Variants in COBL observed in about 807,000 individuals in gnomAD.
The protein encoded by COBL is protein cordon-bleu.
In COBL, 51 loss-of-function variants were observed where a neutral mutation model predicts 98.8. The observed-to-expected ratio is 0.52, with a 90% CI of 0.41 to 0.65. The LOEUF is 0.65. Ranked by LOEUF, COBL falls within the 30% of genes least tolerant of loss-of-function variation. The probability of loss-of-function intolerance (pLI) is 0.00; values close to 1 mark genes in which losing one functional copy is unlikely to be tolerated. For missense variants in COBL, 1,617 were observed against 1,617.5 expected (o/e 1.00, Z 0.01); for synonymous variants, 634 against 651.7 (o/e 0.97, Z 0.41).
intron 1 of COBL, among the ~76,000 whole-genome samples, chr7:51,302,231 G>A (rs557188288): frequency 6.6e-6 from 1 of 152,318 alleles, no homozygotes; most frequent in Admixed American, 6.5e-5. Flanking sequence ...GTTAAGTTTT[G>A]TAAGAAATTC....
At chr7:51,308,819 A>G (rs1157312081) in intron 1 of COBL, among the ~76,000 whole-genome samples, 1 of 152,210 alleles carries the variant, frequency 6.6e-6, no homozygotes, top group Non-Finnish European at 1.5e-5. Flanking sequence ...GAACAGAGAC[A>G]TCATAAAAAG....
intron 6 of COBL, among the ~76,000 whole-genome samples, chr7:51,118,716 T>C (rs1451566852): frequency 6.6e-6 from 1 of 152,168 alleles, no homozygotes; most frequent in African/African-American, 2.4e-5. Flanking sequence ...CCTTGGAGGT[T>C]CAATAACTTC....
intron 6 of COBL, among the ~76,000 whole-genome samples, chr7:51,134,851 C>T (rs1799080441): frequency 6.6e-6 from 1 of 152,122 alleles, no homozygotes; most frequent in African/African-American, 2.4e-5. Flanking sequence ...ATGCATACAA[C>T]AAAAAGGTAC....
At chr7:51,091,070 TC>T (rs1158027496) in intron 6 of COBL, among the ~76,000 whole-genome samples, 1 of 152,150 alleles carries the variant, frequency 6.6e-6, no homozygotes. Context: ...AAGAAGCCAG[TC>T]CGTAAAGGCT....
intron 5 of COBL, among the ~76,000 whole-genome samples, chr7:51,154,898 C>T (rs745762915): frequency 5.3e-5 from 8 of 152,178 alleles, no homozygotes; most frequent in Non-Finnish European, 7.3e-5. Context: ...TAACAAACTG[C>T]GCCAGAGATC....
rs368011387 is a variant in COBL, at chr7:51,191,096, C to A, written c.457-18G>T. On this transcript the variant is annotated intron_variant, in intron 3 of 12. Transcript: ENST00000265136. ...ACAGATTTCTGGAAGAACACACAGG[C>A]AAAAAGAATTCAGTAAGATATCCTC... The A allele has an allele frequency of 3.9e-5, 62 of 1,606,528 alleles. No homozygotes were observed. The highest frequency in any genetic ancestry group is 4.9e-5 in the Non-Finnish European group (58 of 1,175,540).
At chr7:51,199,005 C>T (rs1790859847) in intron 2 of COBL, among the ~76,000 whole-genome samples, 1 of 152,188 alleles carries the variant, frequency 6.6e-6, no homozygotes, top group African/African-American at 2.4e-5. Flanking sequence ...CTCCTATGAA[C>T]TCAGCTCCAA....
chr7:51,298,193 G>A (rs1420879387), intron 1 of COBL, among the ~76,000 whole-genome samples: 2 of 152,206 alleles, frequency 1.3e-5, no homozygotes, highest in Non-Finnish European at 2.9e-5. Context: ...GAGGCATCCT[G>A]ACAAAAGTTG....
intron 6 of COBL, among the ~76,000 whole-genome samples, chr7:51,106,230 C>A (rs1394960010): frequency 1.3e-5 from 2 of 151,558 alleles, no homozygotes. Flanking sequence ...AATACATCCA[C>A]CCCAGTCATC....
intron 1 of COBL, among the ~76,000 whole-genome samples, chr7:51,244,355 T>C (rs898487275): frequency 3.3e-5 from 5 of 152,206 alleles, no homozygotes; most frequent in Admixed American, 6.5e-5. Flanking sequence ...CACCAAGGCA[T>C]AAACAGAAAC....
chr7:51,035,636 T>G (rs1187011052), intron 8 of COBL: 1 of 152,230 alleles, frequency 6.6e-6, no homozygotes, highest in East Asian at 1.9e-4. Flanking sequence ...AATATTTTTA[T>G]AATAACATTG....
At chr7:51,277,862 C>T (rs1211873999) in intron 1 of COBL, among the ~76,000 whole-genome samples, 3 of 152,176 alleles carry the variant, frequency 2.0e-5, no homozygotes, top group South Asian at 2.1e-4. Flanking sequence ...GTAGCCCAGA[C>T]TCTCTAAATA....
chr7:51,058,784 G>A (rs1257135349), intron 7 of COBL, among the ~76,000 whole-genome samples: 3 of 152,234 alleles, frequency 2.0e-5, no homozygotes, highest in East Asian at 1.9e-4. Context: ...GCCTCTGAGC[G>A]TGGGCTGTTA....
At chr7:51,117,267 A>G (rs1797357130) in intron 6 of COBL, among the ~76,000 whole-genome samples, 1 of 152,028 alleles carries the variant, frequency 6.6e-6, no homozygotes, top group Admixed American at 6.6e-5. Context: ...AATGTAAAAA[A>G]CTTTTGGCCC....
rs1330942806 is a variant in COBL, at chr7:51,029,565, T to C, written c.1531A>G (p.Thr511Ala). Residue 511 changes from threonine to alanine, a missense_variant, in exon 10 of 13, where the codon ACC (threonine) becomes GCC (alanine). By Grantham distance (58) the Thr-to-Ala change is moderately conservative. This residue lies in a region of COBL where 1,304 missense variants were observed against 1,282.0 expected (regional missense o/e 1.02). Coordinates refer to ENST00000265136, the MANE Select transcript of COBL (RefSeq NM_015198.5). ...TGGATGGAGCTGGTGAGGGAGCTGG[T>C]GTCTGTTTCATAGCTGTCTTCCATT... ...EEMEDSYETD[T>A]SSLTSSIHGA... is the part of the protein sequence containing the mutation. 2 of 1,603,392 alleles carry C rather than the reference T, an allele frequency of 1.2e-6. No individual in the cohort carries two copies. Among genetic ancestry groups the C allele is most frequent in the Admixed American group, 3.4e-5 (2 of 59,556 alleles).
At chr7:51,039,176 T>A (rs1330379402) in intron 8 of COBL, among the ~76,000 whole-genome samples, 1 of 152,212 alleles carries the variant, frequency 6.6e-6, no homozygotes, top group Non-Finnish European at 1.5e-5. Context: ...TCTGCCAGGC[T>A]TTTGCTCACA....
intron 6 of COBL, among the ~76,000 whole-genome samples, chr7:51,095,374 G>A (rs1007116969): frequency 1.3e-5 from 2 of 152,180 alleles, no homozygotes; most frequent in Non-Finnish European, 2.9e-5. Flanking sequence ...CTGAAGATGA[G>A]ATTTGAGTGG....
chr7:51,023,865 G>A (rs756064824), intron 12 of COBL, among the ~76,000 whole-genome samples: 32 of 152,278 alleles, frequency 2.1e-4, no homozygotes, highest in African/African-American at 5.1e-4. Flanking sequence ...AAACTGATCC[G>A]TGTCTAAGTC....
intron 6 of COBL, among the ~76,000 whole-genome samples, chr7:51,130,974 T>C (rs773056329): frequency 4.6e-5 from 7 of 152,256 alleles, no homozygotes; most frequent in Non-Finnish European, 1.0e-4. Context: ...GTGCAAGGCC[T>C]TGTGCATAGC....
Sources: gnomAD v4.1 joint callset for allele counts (sites outside exome capture counted in the v4.1 genomes callset) on GRCh38, gnomAD v4.1.1 for gene constraint, gnomAD v4.1.1 regional missense constraint, MANE v1.5 for transcripts, NCBI Gene and HGNC (gene_info 2026-07-23, HGNC 2026-07-21) for gene names.